E2F3: variants seen among roughly 807,000 people sequenced by gnomAD.
The protein encoded by E2F3 is E2F transcription factor 3.
E2F3 carries 11 observed loss-of-function variants against 44.4 expected under a neutral mutation model. The ratio of observed to expected loss-of-function variants is 0.25; its 90% CI spans 0.16 to 0.41. The LOEUF is 0.41. Among genes scored for constraint, E2F3 ranks in the 10% least tolerant of loss-of-function variants. E2F3 has a pLI of 1.00. For missense variants in E2F3, 487 were observed against 583.6 expected (o/e 0.83, Z 1.70); for synonymous variants, 249 against 253.0 (o/e 0.98, Z 0.15).
chr6:20,426,436 A>C (rs1760217112), intron 1 of E2F3, among the ~76,000 whole-genome samples: 1 of 152,216 alleles, frequency 6.6e-6, no homozygotes, highest in African/African-American at 2.4e-5. Context: ...AATTTTGTGA[A>C]AGCATAGGTT....
intron 1 of E2F3, among the ~76,000 whole-genome samples, chr6:20,444,080 G>A (rs1168679562): frequency 2.6e-5 from 4 of 152,060 alleles, no homozygotes; most frequent in African/African-American, 7.2e-5. Flanking sequence ...GGTGGTGTGC[G>A]CCCATGTTCC....
intron 1 of E2F3, among the ~76,000 whole-genome samples, chr6:20,421,371 T>C (rs1211227618): frequency 4.6e-5 from 7 of 152,208 alleles, no homozygotes; most frequent in Non-Finnish European, 1.0e-4. Flanking sequence ...ATGGCAGCTA[T>C]AACCTTACAA....
At chr6:20,485,969 T>C (rs1362500757) in intron 4 of E2F3, among the ~76,000 whole-genome samples, 1 of 152,130 alleles carries the variant, frequency 6.6e-6, no homozygotes, top group Non-Finnish European at 1.5e-5. Context: ...ATTACATTTT[T>C]TTTTCCTGCA....
At chr6:20,474,038 G>T (rs1326883121) in intron 1 of E2F3, among the ~76,000 whole-genome samples, 1 of 152,132 alleles carries the variant, frequency 6.6e-6, no homozygotes, top group East Asian at 1.9e-4. Flanking sequence ...CAAATATCAG[G>T]CAGGCAGACT....
At chr6:20,434,587 T>C (rs1342256887) in intron 1 of E2F3, among the ~76,000 whole-genome samples, 1 of 152,204 alleles carries the variant, frequency 6.6e-6, no homozygotes, top group African/African-American at 2.4e-5. Context: ...TCCAAAAATA[T>C]TCTGCTTGCT....
chr6:20,470,604 T>C (rs1170980003), intron 1 of E2F3, among the ~76,000 whole-genome samples: 1 of 152,246 alleles, frequency 6.6e-6, no homozygotes, highest in Non-Finnish European at 1.5e-5. Flanking sequence ...TTCTATTTTA[T>C]TTCATTTTCC....
In E2F3 at chr6:20,420,496, G is replaced by T. The variant is rs950665557; in HGVS notation, c.393+17871G>T. Among the ~76,000 whole-genome samples the T allele has an allele frequency of 2.0e-5, 3 of 151,936 alleles. No homozygotes were observed. The East Asian group carries it at 5.8e-4, about 29-fold the overall frequency. ...AATACAGGCATACCTCAGAGATATT[G>T]CAGGTCTGATTCCAGAGCACAGCAA... On this transcript the variant is annotated intron_variant, in intron 1 of 6. Transcript: ENST00000346618.
In E2F3 at chr6:20,488,367, AT is replaced by A. The variant is rs553093618; in HGVS notation, c.1135+120del. ...CAAACTTCTATTGGTATTAGGTAAC[AT>A]GTTTTAAAAGACATTCTGACTGGTT... On this transcript the variant is annotated intron_variant, in intron 6 of 6. Transcript: ENST00000346618. 1,514 of 1,216,214 alleles carry A rather than the reference AT, an allele frequency of 1.2e-3. 1 individual carries two copies. The highest frequency in any genetic ancestry group is 1.8e-3 in the Admixed American group (59 of 31,892). The allele number at this position is 1,216,214 out of a possible 1,614,324, so 75.3% of individuals were successfully genotyped here. A position where few individuals can be genotyped will look rare whatever the true frequency, so the allele number is the denominator to read the frequency against.
intron 1 of E2F3, among the ~76,000 whole-genome samples, chr6:20,422,441 T>C (rs1353577699): frequency 2.0e-5 from 3 of 152,258 alleles, no homozygotes; most frequent in African/African-American, 7.2e-5. Flanking sequence ...TGTGTGTTCA[T>C]GGAGTACCAT....
rs1413839770 is a variant in E2F3 at position 20,492,504 on chromosome 6, A to T, written c.*2074A>T. 1.3e-5 allele frequency: 3 copies of T among 233,240 alleles called. No individual in the cohort carries two copies. Among genetic ancestry groups the T allele is most frequent in the African/African-American group, 6.6e-5 (3 of 45,302 alleles). The allele number at this position is 233,240 out of a possible 1,614,324, so 14.4% of individuals were successfully genotyped here. A position where few individuals can be genotyped will look rare whatever the true frequency, so the allele number is the denominator to read the frequency against. On this transcript the variant is annotated 3_prime_UTR_variant, in exon 7 of 7. Transcript: ENST00000346618. ...TTTTTTCCTGTATGGGAAACCATTT[A>T]TGCCAAGCTTTTCCCCATTTCCCAT...
At chr6:20,486,864 G>T in intron 5 of E2F3, 61 bp downstream of exon 5, 1 of 1,036,374 alleles carries the variant, frequency 9.6e-7, no homozygotes, top group South Asian at 1.4e-5. Flanking sequence ...GAAATTGAAT[G>T]ACTCATTGAC....
intron 1 of E2F3, among the ~76,000 whole-genome samples, chr6:20,465,682 G>A (rs187477484): frequency 1.3e-5 from 2 of 152,296 alleles, no homozygotes; most frequent in Admixed American, 1.3e-4. Flanking sequence ...TCCCACCTAT[G>A]AGTGAGAACA....
intron 1 of E2F3, among the ~76,000 whole-genome samples, chr6:20,443,669 G>T (rs1197104060): frequency 1.3e-5 from 2 of 152,090 alleles, no homozygotes; most frequent in African/African-American, 4.8e-5. Flanking sequence ...AATGCTAGAG[G>T]TAAGAAAGTC....
chr6:20,418,893 T>A (rs1759936473), intron 1 of E2F3, among the ~76,000 whole-genome samples: 2 of 152,110 alleles, frequency 1.3e-5, no homozygotes, highest in African/African-American at 4.8e-5. Context: ...ATTATTTTTT[T>A]AAAATAAAAA....
At position 20,490,118 on chromosome 6, in the gene E2F3, A is replaced by T. The variant is rs769470540; in HGVS notation, c.1136-50A>T. 1 of 1,522,268 alleles carries T rather than the reference A, an allele frequency of 6.6e-7. No homozygotes were observed. Among genetic ancestry groups the T allele is most frequent in the Non-Finnish European group, 8.8e-7 (1 of 1,133,972 alleles). 94.3% of individuals were successfully genotyped at this position (1,522,268 alleles called of 1,614,324 possible). ...CATATACATTCTTCCAGAAAAATTC[A>T]TTTGATTTTTCTAACTTATTTTTTG... On this transcript the variant is annotated intron_variant, in intron 6 of 6. Transcript: ENST00000346618. The surrounding 1 kb of genome is among the most constrained non-coding windows in gnomAD (Gnocchi z 4.3).
intron 1 of E2F3, among the ~76,000 whole-genome samples, chr6:20,477,847 G>C (rs1762096189): frequency 6.6e-6 from 1 of 152,098 alleles, no homozygotes; most frequent in African/African-American, 2.4e-5. Flanking sequence ...AGGAGGGGTT[G>C]GTCTTACTGT....
At chr6:20,489,025 TCTC>T (rs1188429438) in intron 6 of E2F3, among the ~76,000 whole-genome samples, 8 of 151,926 alleles carry the variant, frequency 5.3e-5, no homozygotes, top group African/African-American at 1.9e-4. Context: ...AAATCTAACT[TCTC>T]CTTCCCGCTC....
At chr6:20,474,774 T>C (rs533239553) in intron 1 of E2F3, among the ~76,000 whole-genome samples, 1 of 152,370 alleles carries the variant, frequency 6.6e-6, no homozygotes, top group Non-Finnish European at 1.5e-5. Flanking sequence ...ATCAAAATTC[T>C]TAGCCCTTTT....
intron 6 of E2F3, 51 bp downstream of exon 6, chr6:20,488,299 C>CT (rs763960682): frequency 1.3e-6 from 2 of 1,537,456 alleles, no homozygotes; most frequent in Non-Finnish European, 1.7e-6. Context: ...ATGAGGGTGA[C>CT]TAGAACCATC....
Sources: gnomAD v4.1 joint callset for allele counts (sites outside exome capture counted in the v4.1 genomes callset) on GRCh38, gnomAD v4.1.1 for gene constraint, Gnocchi (gnomAD v3.1) non-coding constraint, MANE v1.5 for transcripts, NCBI Gene and HGNC (gene_info 2026-07-23, HGNC 2026-07-21) for gene names.